INSR: variants seen among roughly 807,000 people sequenced by gnomAD.
INSR encodes the protein insulin receptor, also known as IR.
In INSR, 67 loss-of-function variants were observed where a neutral mutation model predicts 142.6. The ratio of observed to expected loss-of-function variants is 0.47; its 90% CI spans 0.39 to 0.58. The LOEUF (loss-of-function observed/expected upper bound fraction) is 0.58, where lower values mean the gene tolerates loss of function less well. Ranked by LOEUF, INSR falls within the 20% of genes least tolerant of loss-of-function variation. The pLI is 0.00. For synonymous variants in INSR, 756 were observed against 743.1 expected (o/e 1.02, Z -0.28); for missense variants, 1,248 against 1,833.2 (o/e 0.68, Z 5.83).
chr19:7,250,481 AAG>A (rs1222402638), intron 2 of INSR, among the ~76,000 whole-genome samples: 1 of 149,418 alleles, frequency 6.7e-6, no homozygotes, highest in African/African-American at 2.5e-5. Flanking sequence ...AAAGAAAAGA[AAG>A]AGAAGGAAGG....
At chr19:7,170,157 T>C (rs1034954685) in intron 6 of INSR, among the ~76,000 whole-genome samples, 7 of 152,086 alleles carry the variant, frequency 4.6e-5, no homozygotes, top group Non-Finnish European at 1.0e-4. Flanking sequence ...GAGTTCTGCC[T>C]CCTGTCAGAT....
chr19:7,242,164 A>AG (rs1280563399), intron 2 of INSR, among the ~76,000 whole-genome samples: 1 of 151,254 alleles, frequency 6.6e-6, no homozygotes, highest in Non-Finnish European at 1.5e-5. Flanking sequence ...AAAAAAAAAA[A>AG]AAGAAGAAGG....
intron 2 of INSR, among the ~76,000 whole-genome samples, chr19:7,252,179 G>A (rs1381950620): frequency 6.6e-6 from 1 of 152,134 alleles, no homozygotes; most frequent in African/African-American, 2.4e-5. Context: ...GGAGGTCGAG[G>A]TGGGTGGATC....
chr19:7,239,638 A>T (rs538389902), intron 2 of INSR, among the ~76,000 whole-genome samples: 150 of 152,282 alleles, frequency 9.9e-4, no homozygotes, highest in African/African-American at 3.4e-3. Context: ...GAGGAGATGG[A>T]CACCAAGATG....
chr19:7,172,340 A>G lies in INSR; in HGVS notation c.1218T>C (p.Leu406=). Residue 406 remains leucine, a synonymous_variant, in exon 5 of 22, where the codon CTT becomes CTC. Transcript: ENST00000302850. ...KIRRSYALVS[L]SFFRKLRLIR... ...TCAGACGTAACTTCCGGAAGAAGGAAAGTGACACCAGAGCGTAGGATCGGC... is the reference window on the plus strand; with the variant it reads ...TCAGACGTAACTTCCGGAAGAAGGAGAGTGACACCAGAGCGTAGGATCGGC... 1 of 1,614,180 alleles carries G rather than the reference A, an allele frequency of 6.2e-7. No homozygotes were observed. Among genetic ancestry groups the G allele is most frequent in the Non-Finnish European group, 8.5e-7 (1 of 1,180,024 alleles).
At chr19:7,141,393 G>A (rs1486886267) in intron 13 of INSR, 15 of 463,050 alleles carry the variant, frequency 3.2e-5, no homozygotes, top group Non-Finnish European at 5.6e-5. Flanking sequence ...TCCTTCTAAA[G>A]TGAAATGAGT....
intron 17 of INSR, among the ~76,000 whole-genome samples, chr19:7,124,751 C>G (rs1304902908): frequency 1.3e-5 from 2 of 148,740 alleles, no homozygotes; most frequent in Non-Finnish European, 3.0e-5. Context: ...TTTAAATGCC[C>G]CATAAATATG....
chr19:7,251,083 G>A (rs1399882223), intron 2 of INSR, among the ~76,000 whole-genome samples: 3 of 151,964 alleles, frequency 2.0e-5, no homozygotes, highest in Admixed American at 6.6e-5. Flanking sequence ...ATTGCAGGAC[G>A]TTGAACGGCA....
intron 3 of INSR, 149 bp downstream of exon 3, chr19:7,184,167 G>T: frequency 1.4e-6 from 1 of 699,056 alleles, no homozygotes. Context: ...GACCAAAACA[G>T]GGTGCAAAAG....
intron 9 of INSR, among the ~76,000 whole-genome samples, 166 bp from the exon 10 acceptor site, chr19:7,153,093 A>C (rs1973442017): frequency 9.9e-6 from 1 of 101,306 alleles, no homozygotes; most frequent in Non-Finnish European, 2.0e-5. Flanking sequence ...CACACCACAC[A>C]TACACACACC....
intron 2 of INSR, among the ~76,000 whole-genome samples, chr19:7,230,482 C>G (rs1975936301): frequency 1.3e-5 from 2 of 152,170 alleles, no homozygotes; most frequent in African/African-American, 4.8e-5. Flanking sequence ...CACCAAGTGT[C>G]TAGCTCATAG....
chr19:7,248,778 G>A (rs1175736653), intron 2 of INSR, among the ~76,000 whole-genome samples: 1 of 31,394 alleles, frequency 3.2e-5, no homozygotes, highest in South Asian at 1.3e-3. Flanking sequence ...TTTTTTTTGA[G>A]ACGGAGTCTC....
chr19:7,250,601 A>AG (rs1976697742), intron 2 of INSR, among the ~76,000 whole-genome samples: 3 of 63,470 alleles, frequency 4.7e-5, no homozygotes, highest in African/African-American at 6.8e-5. Context: ...AAGGAAGGAG[A>AG]GGAGGGAGGG....
At chr19:7,136,792 GA>G (rs200915867) in intron 13 of INSR, among the ~76,000 whole-genome samples, 4 of 146,778 alleles carry the variant, frequency 2.7e-5, no homozygotes, top group African/African-American at 1.0e-4. Context: ...CTTTGATCAA[GA>G]AAAAAAGTGA....
chr19:7,154,755 C>A (rs151333175), intron 9 of INSR, among the ~76,000 whole-genome samples: 9 of 151,874 alleles, frequency 5.9e-5, no homozygotes, highest in African/African-American at 2.2e-4. Context: ...GAAACCCCGT[C>A]TCTACTCAAA....
chr19:7,197,715 T>G, intron 2 of INSR, among the ~76,000 whole-genome samples: 1 of 118,432 alleles, frequency 8.4e-6, no homozygotes, highest in Non-Finnish European at 1.7e-5. Flanking sequence ...GGTTCCAGAG[T>G]GGGAGTGTGT....
intron 2 of INSR, among the ~76,000 whole-genome samples, chr19:7,210,661 C>T (rs574988647): frequency 3.3e-5 from 5 of 151,940 alleles, no homozygotes; most frequent in South Asian, 2.1e-4. Context: ...AAAGTTAAGG[C>T]GTGCCAAAAC....
rs546891975 is a variant in INSR, at chr19:7,124,749, C to T, written c.3258+534G>A. The stretch of plus-strand genomic sequence containing the variant: ...AGGGACAAGAGCAGGGCTTTAAATG[C>T]CCCATAAATATGTGTGGCAAGGATG... On this transcript the variant is annotated intron_variant, in intron 17 of 21. Transcript: ENST00000302850. Among the ~76,000 whole-genome samples the T allele has an allele frequency of 5.4e-5, 8 of 148,916 alleles. No individual in the cohort carries two copies. The South Asian group carries it at 1.5e-3, about 28-fold the overall frequency.
At chr19:7,256,931 C>CT (rs772500676) in intron 2 of INSR, among the ~76,000 whole-genome samples, 1,500 of 109,508 alleles carry the variant, frequency 0.014, 55 homozygotes, top group African/African-American at 0.035. Context: ...TCTACCCTAC[C>CT]TTTTTTTTTT....
Sources: gnomAD v4.1 joint callset for allele counts (sites outside exome capture counted in the v4.1 genomes callset) on GRCh38, gnomAD v4.1.1 for gene constraint, MANE v1.5 for transcripts, NCBI Gene and HGNC (gene_info 2026-07-23, HGNC 2026-07-21) for gene names.